EZH2: variants seen among roughly 807,000 people sequenced by gnomAD.
EZH2 encodes histone-lysine N-methyltransferase EZH2.
EZH2 carries 18 observed loss-of-function variants against 98.4 expected under a neutral mutation model. That is an observed-to-expected ratio of 0.18 (90% CI 0.13 to 0.27). The LOEUF is 0.27. Among genes scored for constraint, EZH2 ranks in the 10% least tolerant of loss-of-function variants. The probability of loss-of-function intolerance (pLI) is 1.00; values close to 1 mark genes in which losing one functional copy is unlikely to be tolerated. For missense variants in EZH2, 470 were observed against 935.1 expected, an observed-to-expected ratio of 0.50 and a Z score of 6.49; for synonymous variants, 338 against 312.3, an observed-to-expected ratio of 1.08 and a Z score of -0.87.
intron 1 of EZH2, among the ~76,000 whole-genome samples, chr7:148,855,803 C>A (rs1366470443): frequency 1.4e-5 from 2 of 146,634 alleles, no homozygotes; most frequent in East Asian, 4.0e-4. Flanking sequence ...GAGGCTGAGG[C>A]AGGAGAATCG....
chr7:148,817,264 G>C lies in EZH2; in HGVS notation c.1368C>G (p.Phe456Leu). Residue 456 changes from phenylalanine to leucine, a missense_variant, in exon 11 of 20, where the codon TTC (phenylalanine) becomes TTG (leucine). Transcript: ENST00000320356. ...TCCCAATTAACCTAGCAATGGCACA[G>C]AAATTGTCATAGTAAGTGCCAATGA... ...RVLIGTYYDN[F>L]CAIARLIGTK... 6.2e-7 allele frequency: 1 copy of C among 1,613,940 alleles called. No individual in the cohort carries two copies.
intron 3 of EZH2, among the ~76,000 whole-genome samples, chr7:148,839,015 G>C (rs1015988978): frequency 1.4e-5 from 2 of 147,908 alleles, no homozygotes; most frequent in Non-Finnish European, 3.0e-5. Flanking sequence ...TGACGCCACT[G>C]CACTCCAGCA....
chr7:148,818,063 G>A lies in EZH2; in HGVS notation c.1054C>T (p.Pro352Ser), dbSNP rs1805061488. The A allele has an allele frequency of 1.2e-6, 2 of 1,613,846 alleles. No homozygotes were observed. The highest frequency in any genetic ancestry group is 1.7e-6 in the Non-Finnish European group (2 of 1,179,932). Residue 352 changes from proline (P) to serine (S), a missense_variant, in exon 10 of 20, where the codon CCA (proline) becomes TCA (serine). Pro to Ser is a moderately conservative substitution (Grantham distance 74). Transcript: ENST00000320356. ...CTTCTGCGGCCTCCTGGACGTTTTG[G>A]TGGGGTCTTTATCCGCTCAGCGGTG... ...ALTAERIKTP[P>S]KRPGGRRRGR...
chr7:148,866,527 CAT>C (rs1400642913), intron 1 of EZH2, among the ~76,000 whole-genome samples: 2 of 102,084 alleles, frequency 2.0e-5, no homozygotes, highest in Non-Finnish European at 2.0e-5. Context: ...TGTGTATATA[CAT>C]ATATATACGT....
rs1803899297 is a variant in EZH2, at chr7:148,814,088, C to T, written c.1722G>A (p.Lys574=). The T allele has an allele frequency of 6.2e-7, 1 of 1,614,026 alleles. No homozygotes were observed. The highest frequency in any genetic ancestry group is 8.5e-7 in the Non-Finnish European group (1 of 1,180,034). ...GCRCKAQCNT[K]QCPCYLAVRE... Reference sequence around the variant, plus strand: ...GGACAGCCAGGTAGCACGGGCACTGCTTGGTGTTGCACTGTGCTTTGCAGC... The same window carrying T: ...GGACAGCCAGGTAGCACGGGCACTGTTTGGTGTTGCACTGTGCTTTGCAGC... Residue 574 remains lysine, a synonymous_variant, in exon 15 of 20, where the codon AAG becomes AAA. Transcript: ENST00000320356.
chr7:148,835,797 G>A lies in EZH2; in HGVS notation c.247-3047C>T, dbSNP rs1040482881. Among the ~76,000 whole-genome samples the A allele has an allele frequency of 2.0e-5, 3 of 152,096 alleles. No homozygotes were observed. In the South Asian group the frequency reaches 6.2e-4, roughly 32 times the overall value. On this transcript the variant is annotated intron_variant, in intron 3 of 19. Transcript: ENST00000320356. The stretch of plus-strand genomic sequence containing the variant: ...TGCTTTAACACCTAACTCCAAAGTC[G>A]CACATAAGGGTTAGAGAATGAGTTT...
At chr7:148,880,662 G>C (rs1409068377) in intron 1 of EZH2, among the ~76,000 whole-genome samples, 1 of 152,140 alleles carries the variant, frequency 6.6e-6, no homozygotes, top group Admixed American at 6.5e-5. Context: ...CTATTAAAGA[G>C]GGAGAAAAAC....
At chr7:148,820,268 T>C (rs1055175314) in intron 8 of EZH2, among the ~76,000 whole-genome samples, 1 of 152,212 alleles carries the variant, frequency 6.6e-6, no homozygotes, top group Admixed American at 6.5e-5. Flanking sequence ...TTTAGAAAGA[T>C]ACACTGTTTG....
intron 1 of EZH2, among the ~76,000 whole-genome samples, chr7:148,869,376 C>A (rs1358826343): frequency 7.8e-6 from 1 of 127,936 alleles, no homozygotes; most frequent in Non-Finnish European, 1.6e-5. Context: ...GACACAGTCT[C>A]ACTCTGTCAC....
chr7:148,872,388 CAAAA>C (rs1819549511), intron 1 of EZH2, among the ~76,000 whole-genome samples: 1 of 151,980 alleles, frequency 6.6e-6, no homozygotes, highest in South Asian at 2.1e-4. Context: ...TTCTGCAAGA[CAAAA>C]AAGTTCTAGA....
rs1231878106 is a variant in EZH2, at chr7:148,832,706, T to C, written c.291A>G (p.Pro97=). 3 of 1,610,466 alleles carry C rather than the reference T, an allele frequency of 1.9e-6. No individual in the cohort carries two copies. In the South Asian group the frequency reaches 3.3e-5, roughly 18 times the overall value. ...AAGCAACTGCATTCAGAGTCTTTAA[T>C]GGGATGACTTGTGTTGGAAAATCCA... ...SDLDFPTQVI[P]LKTLNAVASV... is the part of the protein sequence containing the mutation. The change falls in exon 4 of 20, where the codon CCA becomes CCG. Residue 97 remains proline (P), a synonymous_variant. Transcript: ENST00000320356.
At chr7:148,809,046 C>T (rs181540261) in intron 19 of EZH2, 25 bp downstream of exon 19, 3 of 1,595,148 alleles carry the variant, frequency 1.9e-6, no homozygotes, top group Admixed American at 3.3e-5. Context: ...CCTTAGAGAT[C>T]ATGCTAGAAA....
intron 1 of EZH2, among the ~76,000 whole-genome samples, chr7:148,859,340 T>A (rs1230110241): frequency 6.6e-6 from 1 of 152,060 alleles, no homozygotes; most frequent in Non-Finnish European, 1.5e-5. Flanking sequence ...ACCCCGTCTC[T>A]ACTAAAAATA....
chr7:148,830,781 A>C (rs528806305), intron 4 of EZH2, among the ~76,000 whole-genome samples: 19 of 152,346 alleles, frequency 1.2e-4, no homozygotes, highest in Admixed American at 2.0e-4. Flanking sequence ...AGTTAAGCAT[A>C]CAAGGTAAAG....
intron 1 of EZH2, among the ~76,000 whole-genome samples, chr7:148,878,954 G>A (rs1469356309): frequency 1.3e-5 from 2 of 152,052 alleles, no homozygotes; most frequent in African/African-American, 2.4e-5. Flanking sequence ...GGCGTGCGCA[G>A]TAGCTCACGC....
At chr7:148,813,170 G>A (rs1016674309) in intron 15 of EZH2, among the ~76,000 whole-genome samples, 2 of 152,006 alleles carry the variant, frequency 1.3e-5, no homozygotes, top group African/African-American at 2.4e-5. Flanking sequence ...TTCCTTACCC[G>A]TAAAATGGGG....
intron 1 of EZH2, among the ~76,000 whole-genome samples, chr7:148,872,598 T>C (rs76903823): frequency 0.013 from 1,970 of 152,340 alleles, 43 homozygotes; most frequent in African/African-American, 0.046. Context: ...TGCAAGCATA[T>C]CGTAGGAACT....
chr7:148,873,539 A>C (rs1819739323), intron 1 of EZH2, among the ~76,000 whole-genome samples: 1 of 146,512 alleles, frequency 6.8e-6, no homozygotes, highest in Non-Finnish European at 1.5e-5. Flanking sequence ...CAGTTTGCAG[A>C]ATCATTTCAT....
intron 1 of EZH2, among the ~76,000 whole-genome samples, chr7:148,879,602 A>C (rs1264763249): frequency 1.3e-5 from 2 of 151,958 alleles, no homozygotes; most frequent in African/African-American, 2.4e-5. Flanking sequence ...AGGCAGGAGA[A>C]TCATTTGAAC....
Sources: allele counts gnomAD v4.1 joint callset (sites outside exome capture counted in the v4.1 genomes callset), GRCh38; gene constraint gnomAD v4.1.1; transcripts MANE v1.5; gene names NCBI Gene and HGNC (gene_info 2026-07-23, HGNC 2026-07-21).